The following NPSR1 variants were observed in gnomAD, a reference collection of about 807,000 sequenced individuals.
NPSR1 encodes neuropeptide S receptor 1, also known as neuropeptide S receptor.
In NPSR1, 48 loss-of-function variants were observed where a neutral mutation model predicts 46.9. The observed-to-expected ratio is 1.02, with a 90% CI of 0.81 to 1.30. The LOEUF is 1.30. NPSR1 is among the 50% of genes most tolerant of loss of function. The pLI is 0.00. For synonymous variants in NPSR1, 176 were observed against 168.1 expected (o/e 1.05, Z -0.36); for missense variants, 450 against 449.5 (o/e 1.00, Z -0.01).
intron 8 of NPSR1, among the ~76,000 whole-genome samples, chr7:34,869,296 C>A (rs1402317885): frequency 1.3e-5 from 2 of 151,716 alleles, no homozygotes; most frequent in Non-Finnish European, 2.9e-5. Flanking sequence ...AACAACAAAA[C>A]AATTCAAGGG....
At chr7:34,791,075 TATGTTATATGTTATATATATTATATATA>T (rs1327473308) in intron 3 of NPSR1, among the ~76,000 whole-genome samples, 9 of 114,722 alleles carry the variant, frequency 7.8e-5, no homozygotes, top group African/African-American at 3.4e-4. Flanking sequence ...TTATATTATA[TATGTTATATGTTATATATATTATATATA>T]ATATGTTATA....
chr7:34,685,794 T>A (rs1027008171), intron 2 of NPSR1: 1 of 330,154 alleles, frequency 3.0e-6, no homozygotes, highest in Non-Finnish European at 5.8e-6. Context: ...GTGGCCAGGG[T>A]AAACATCCAA....
At chr7:34,822,673 T>C (rs1448917935) in intron 4 of NPSR1, among the ~76,000 whole-genome samples, 1 of 152,148 alleles carries the variant, frequency 6.6e-6, no homozygotes, top group East Asian at 1.9e-4. Flanking sequence ...AAAAATGAAT[T>C]AGTATACGGT....
intron 2 of NPSR1, among the ~76,000 whole-genome samples, chr7:34,697,094 T>C (rs192445297): frequency 3.7e-4 from 56 of 152,118 alleles, no homozygotes; most frequent in Middle Eastern, 3.4e-3. Flanking sequence ...AAAATTGATA[T>C]TGATAACTGT....
intron 2 of NPSR1, among the ~76,000 whole-genome samples, chr7:34,771,371 T>C (rs1293589652): frequency 6.6e-6 from 1 of 152,116 alleles, no homozygotes; most frequent in African/African-American, 2.4e-5. Flanking sequence ...TCCTGGGAAG[T>C]TGAGGCTGCA....
At chr7:34,705,434 CAAAAAAA>C (rs67782714) in intron 2 of NPSR1, among the ~76,000 whole-genome samples, 1 of 111,616 alleles carries the variant, frequency 9.0e-6, no homozygotes, top group African/African-American at 3.1e-5. Context: ...GACTCCATAT[CAAAAAAA>C]AAAAAAAAAA....
chr7:34,792,686 TATGTATATATATACGTATATATATATA>T (rs1787964698), intron 3 of NPSR1, among the ~76,000 whole-genome samples: 2 of 119,136 alleles, frequency 1.7e-5, no homozygotes, highest in Non-Finnish European at 3.4e-5. Context: ...TATATATATA[TATGTATATATATACGTATATATATATA>T]TTTATATATA....
At chr7:34,830,896 A>T (rs902771695) in intron 5 of NPSR1, among the ~76,000 whole-genome samples, 6 of 151,708 alleles carry the variant, frequency 4.0e-5, no homozygotes, top group Non-Finnish European at 7.4e-5. Flanking sequence ...TGGAACAAAC[A>T]CCCCTCTGGC....
At chr7:34,792,734 T>TATTTTTATATA (rs58315247) in intron 3 of NPSR1, among the ~76,000 whole-genome samples, 7 of 123,290 alleles carry the variant, frequency 5.7e-5, no homozygotes, top group Non-Finnish European at 6.8e-5. Flanking sequence ...TATATATATA[T>TATTTTTATATA]TAGCCAGGCA....
intron 6 of NPSR1, among the ~76,000 whole-genome samples, chr7:34,838,383 C>G (rs927716509): frequency 6.6e-6 from 1 of 152,050 alleles, no homozygotes; most frequent in African/African-American, 2.4e-5. Context: ...TTTCAGTTAC[C>G]ATTAGTGACC....
intron 1 of NPSR1, among the ~76,000 whole-genome samples, chr7:34,684,238 A>T (rs1392799161): frequency 1.3e-5 from 2 of 152,210 alleles, no homozygotes; most frequent in East Asian, 1.9e-4. Flanking sequence ...TATAATAAAC[A>T]TGGACATATT....
At position 34,658,406 on chromosome 7, in the gene NPSR1, C is replaced by CT; in HGVS notation, c.-6dup. On this transcript the variant is annotated 5_prime_UTR_variant, in exon 1 of 9. Transcript: ENST00000360581. The stretch of plus-strand genomic sequence containing the variant: ...CAAGGACAGTGAGGCTCAACCCCGC[C>CT]TGAGCCATGCCAGCCAACTTCACAG... 6.2e-7 allele frequency: 1 copy of CT among 1,613,500 alleles called. No homozygotes were observed. The highest frequency in any genetic ancestry group is 2.2e-5 in the East Asian group (1 of 44,886).
chr7:34,743,979 G>A (rs1159117812), intron 2 of NPSR1, among the ~76,000 whole-genome samples: 2 of 152,096 alleles, frequency 1.3e-5, no homozygotes, highest in African/African-American at 4.8e-5. Flanking sequence ...GTATTAGTTT[G>A]TATGTTTACA....
rs190219370 is a variant in NPSR1, at chr7:34,845,113, G to A, written c.844+131G>A. ...CATCGGTCTGCTTAGAAAGGAATGT[G>A]TGAAACTCATCAGCCCATTCATGGT... is the stretch of plus-strand genomic sequence containing the variant. On this transcript the variant is annotated intron_variant, in intron 7 of 8. Transcript: ENST00000360581. 2.6e-4 allele frequency: 182 copies of A among 698,786 alleles called. No homozygotes were observed. The African/African-American group carries it at 2.8e-3, about 11-fold the overall frequency. 43.3% of individuals were successfully genotyped at this position (698,786 alleles called of 1,614,324 possible).
At chr7:34,754,374 T>G (rs946124149) in intron 2 of NPSR1, among the ~76,000 whole-genome samples, 1 of 152,160 alleles carries the variant, frequency 6.6e-6, no homozygotes, top group African/African-American at 2.4e-5. Flanking sequence ...AAGGGTGCCT[T>G]TCTTAATTTT....
chr7:34,734,679 A>T (rs534229245), intron 2 of NPSR1, among the ~76,000 whole-genome samples: 29 of 152,328 alleles, frequency 1.9e-4, no homozygotes, highest in Admixed American at 7.8e-4. Context: ...TTCTGAAGGG[A>T]GATCTGGATG....
intron 3 of NPSR1, among the ~76,000 whole-genome samples, chr7:34,793,911 T>C (rs1490084608): frequency 6.6e-6 from 1 of 152,216 alleles, no homozygotes; most frequent in Non-Finnish European, 1.5e-5. Flanking sequence ...AATTGTTTCA[T>C]CTGTGACAAC....
intron 4 of NPSR1, among the ~76,000 whole-genome samples, chr7:34,825,773 C>G (rs1367695028): frequency 6.6e-6 from 1 of 152,156 alleles, no homozygotes; most frequent in East Asian, 1.9e-4. Flanking sequence ...ATGACAGCAG[C>G]AGTCAAGCAA....
intron 3 of NPSR1, among the ~76,000 whole-genome samples, chr7:34,778,970 C>A (rs979377642): frequency 5.9e-5 from 9 of 152,102 alleles, no homozygotes; most frequent in Admixed American, 5.9e-4. Context: ...TGGAACATAA[C>A]CATTAACTAT....
Sources: gnomAD v4.1 joint callset for allele counts (sites outside exome capture counted in the v4.1 genomes callset) on GRCh38, gnomAD v4.1.1 for gene constraint, MANE v1.5 for transcripts, NCBI Gene and HGNC (gene_info 2026-07-23, HGNC 2026-07-21) for gene names.